SAMTOR: variants seen among roughly 807,000 people sequenced by gnomAD.
SAMTOR encodes UPF0532 protein C7orf60.
At chr7:112,911,607 CAT>C in the SAMTOR span, among the ~76,000 whole-genome samples, 1 of 151,932 alleles carries the variant, frequency 6.6e-6, no homozygotes, top group Non-Finnish European at 1.5e-5. Context: ...ACAGATAAGA[CAT>C]GTTAGAATAA....
At chr7:112,934,968 A>G in the SAMTOR span, among the ~76,000 whole-genome samples, 1 of 152,190 alleles carries the variant, frequency 6.6e-6, no homozygotes, top group African/African-American at 2.4e-5. Flanking sequence ...TGGTCCCTTT[A>G]TCTTTTACTA....
chr7:112,875,837 G>A, the SAMTOR span, among the ~76,000 whole-genome samples: 1 of 152,094 alleles, frequency 6.6e-6, no homozygotes, highest in Admixed American at 6.5e-5. Flanking sequence ...ATTGTTATAC[G>A]TAAGCCTTCT....
At chr7:112,914,497 C>A in the SAMTOR span, among the ~76,000 whole-genome samples, 1 of 151,844 alleles carries the variant, frequency 6.6e-6, no homozygotes, top group Non-Finnish European at 1.5e-5. Context: ...AGCATTATTT[C>A]ATTTTCTGAT....
the SAMTOR span, among the ~76,000 whole-genome samples, chr7:112,852,604 A>T: frequency 6.6e-6 from 1 of 152,106 alleles, no homozygotes; most frequent in African/African-American, 2.4e-5. Context: ...AATAATAAAA[A>T]AGTAAAAAAT....
the SAMTOR span, chr7:112,821,347 G>A: frequency 6.5e-6 from 1 of 154,860 alleles, no homozygotes; most frequent in African/African-American, 2.4e-5. Flanking sequence ...TTTAACTTGT[G>A]AGTCATCAAA....
At chr7:112,902,439 C>CAAAAAAA in the SAMTOR span, among the ~76,000 whole-genome samples, 1 of 81,500 alleles carries the variant, frequency 1.2e-5, no homozygotes, top group African/African-American at 4.9e-5. Flanking sequence ...CAAAAAAAAA[C>CAAAAAAA]AAAAAAAAAC....
At chr7:112,917,993 G>T in the SAMTOR span, among the ~76,000 whole-genome samples, 1 of 152,190 alleles carries the variant, frequency 6.6e-6, no homozygotes, top group Non-Finnish European at 1.5e-5. Context: ...GAAAGTGATG[G>T]GGAGAATGGA....
chr7:112,852,860 C>A, the SAMTOR span, among the ~76,000 whole-genome samples: 1 of 151,902 alleles, frequency 6.6e-6, no homozygotes, highest in Non-Finnish European at 1.5e-5. Context: ...CTGGCACTGT[C>A]AGATCCAATG....
At chr7:112,821,823 T>C in the SAMTOR span, 5 of 1,613,604 alleles carry the variant, frequency 3.1e-6, no homozygotes, top group South Asian at 1.1e-5. Flanking sequence ...ATCTGAGTCA[T>C]ATGGCGCATC....
At chr7:112,883,103 A>T in the SAMTOR span, among the ~76,000 whole-genome samples, 1 of 152,198 alleles carries the variant, frequency 6.6e-6, no homozygotes, top group Non-Finnish European at 1.5e-5. Context: ...AATATTTTAT[A>T]TCTTAAGGCA....
At chr7:112,922,901 CG>C in the SAMTOR span, among the ~76,000 whole-genome samples, 106 of 111,522 alleles carry the variant, frequency 9.5e-4, no homozygotes, top group East Asian at 2.8e-3. Context: ...CCCCCCCCCC[CG>C]GGCCAGCCGC....
the SAMTOR span, among the ~76,000 whole-genome samples, chr7:112,901,059 T>C: frequency 6.6e-6 from 1 of 152,170 alleles, no homozygotes; most frequent in African/African-American, 2.4e-5. Context: ...TAAATTAAAA[T>C]TTTTTGCTTT....
the SAMTOR span, chr7:112,832,489 T>A: frequency 1.2e-6 from 1 of 850,320 alleles, no homozygotes; most frequent in South Asian, 1.4e-5. Context: ...ATTTTAGGGA[T>A]GCAAAGACAG....
chr7:112,925,602 T>C, the SAMTOR span, among the ~76,000 whole-genome samples: 2 of 152,168 alleles, frequency 1.3e-5, no homozygotes, highest in Non-Finnish European at 2.9e-5. Flanking sequence ...GAGACCATCC[T>C]GACAAACATG....
At chr7:112,820,998 A>C in the SAMTOR span, 3 of 152,596 alleles carry the variant, frequency 2.0e-5, no homozygotes, top group Non-Finnish European at 4.4e-5. Context: ...AGTAAAAGTG[A>C]ACTCTCAGGT....
the SAMTOR span, among the ~76,000 whole-genome samples, chr7:112,898,907 C>T: frequency 7.9e-5 from 12 of 152,288 alleles, no homozygotes; most frequent in South Asian, 2.5e-3. Flanking sequence ...GTTACAGTGA[C>T]CACAGGCTTA....
chr7:112,939,677 C>A, the SAMTOR span: 1 of 1,613,160 alleles, frequency 6.2e-7, no homozygotes, highest in Non-Finnish European at 8.5e-7. Flanking sequence ...CTCCTGCTCC[C>A]GGGGCGGCGG....
the SAMTOR span, among the ~76,000 whole-genome samples, chr7:112,912,559 A>G: frequency 6.6e-6 from 1 of 152,120 alleles, no homozygotes; most frequent in Non-Finnish European, 1.5e-5. Flanking sequence ...AAAACTGCAT[A>G]TAGCTCATAA....
At chr7:112,901,695 AGAAAG>A in the SAMTOR span, among the ~76,000 whole-genome samples, 1 of 152,336 alleles carries the variant, frequency 6.6e-6, no homozygotes, top group Non-Finnish European at 1.5e-5. Context: ...TCTAAAATAT[AGAAAG>A]AACTCTTAAA....
Sources: gnomAD v4.1 joint callset for allele counts (sites outside exome capture counted in the v4.1 genomes callset) on GRCh38, gnomAD v4.1.1 for gene constraint, MANE v1.5 for transcripts, NCBI Gene and HGNC (gene_info 2026-07-23, HGNC 2026-07-21) for gene names.